The following ABCD3 variants were observed in gnomAD, a reference collection of about 807,000 sequenced individuals.
ABCD3 encodes the protein ATP binding cassette subfamily D member 3, also known as ATP-binding cassette sub-family D member 3.
In ABCD3, 41 loss-of-function variants were observed where a neutral mutation model predicts 105.5. The ratio of observed to expected loss-of-function variants is 0.39; its 90% confidence interval spans 0.30 to 0.50. ABCD3 has a LOEUF of 0.50. Among genes scored for constraint, ABCD3 ranks in the 20% least tolerant of loss-of-function variants. ABCD3 has a pLI of 0.84. For synonymous variants in ABCD3, 258 were observed against 269.0 expected, an observed-to-expected ratio of 0.96 and a Z score of 0.40; for missense variants, 622 against 806.3, an observed-to-expected ratio of 0.77 and a Z score of 2.77.
intron 16 of ABCD3, among the ~76,000 whole-genome samples, chr1:94,493,020 C>T (rs1024388675): frequency 1.3e-5 from 2 of 152,068 alleles, no homozygotes; most frequent in Non-Finnish European, 2.9e-5. Flanking sequence ...CATTACCATT[C>T]AGGACATAGG....
At chr1:94,408,661 A>T in the ABCD3 span, among the ~76,000 whole-genome samples, 1 of 152,160 alleles carries the variant, frequency 6.6e-6, no homozygotes, top group Admixed American at 6.5e-5. Flanking sequence ...GAGACGATAA[A>T]TCATCCATAT....
chr1:94,511,580 A>G (rs1650674528), intron 21 of ABCD3, among the ~76,000 whole-genome samples: 1 of 152,140 alleles, frequency 6.6e-6, no homozygotes, highest in African/African-American at 2.4e-5. Context: ...AATATCCTGC[A>G]GAGTGTTTTC....
chr1:94,462,688 A>G (rs1014567670), intron 2 of ABCD3, among the ~76,000 whole-genome samples: 18 of 152,118 alleles, frequency 1.2e-4, no homozygotes, highest in African/African-American at 4.3e-4. Context: ...TGTTTGTCTT[A>G]GATCATTTCT....
At position 94,512,008 on chromosome 1, in the gene ABCD3, C is replaced by T. The variant is rs955805934; in HGVS notation, c.1846-3138C>T. Among the ~76,000 whole-genome samples, 15 of 152,174 alleles carry T rather than the reference C, an allele frequency of 9.9e-5. No individual in the cohort carries two copies. The South Asian group carries it at 1.2e-3, about 13-fold the overall frequency. ...CTCTCAGCTCGTCAAAGTCATTCTCCGTCCAGCTTTGTTCCGTTGCTGGTG... is the reference window on the plus strand; with the variant it reads ...CTCTCAGCTCGTCAAAGTCATTCTCTGTCCAGCTTTGTTCCGTTGCTGGTG... On this transcript the variant is annotated intron_variant, in intron 21 of 22. Coordinates refer to ENST00000370214, the MANE Select transcript of ABCD3 (RefSeq NM_002858.4).
intron 1 of ABCD3, among the ~76,000 whole-genome samples, chr1:94,431,982 A>G (rs1310605224): frequency 6.6e-6 from 1 of 152,184 alleles, no homozygotes; most frequent in East Asian, 1.9e-4. Context: ...AGGTGATCCC[A>G]TTTCTTAAGT....
the ABCD3 span, among the ~76,000 whole-genome samples, chr1:94,408,386 C>T: frequency 6.6e-6 from 1 of 151,156 alleles, no homozygotes; most frequent in South Asian, 2.1e-4. Flanking sequence ...AGTTTAAGAC[C>T]AGCTTGGCCA....
At chr1:94,386,021 CTGTT>C in the ABCD3 span, among the ~76,000 whole-genome samples, 16 of 128,348 alleles carry the variant, frequency 1.2e-4, no homozygotes, top group African/African-American at 4.5e-4. Flanking sequence ...CTTTTAGAAT[CTGTT>C]TCTTTCTTTC....
intron 7 of ABCD3, among the ~76,000 whole-genome samples, 198 bp downstream of exon 7, chr1:94,475,935 G>T (rs887515856): frequency 2.5e-4 from 38 of 152,202 alleles, no homozygotes; most frequent in African/African-American, 8.9e-4. Context: ...CTTTGGCAAA[G>T]AACTGATAAT....
intron 16 of ABCD3, among the ~76,000 whole-genome samples, chr1:94,497,900 A>G (rs1649897683): frequency 6.6e-6 from 1 of 152,224 alleles, no homozygotes; most frequent in Non-Finnish European, 1.5e-5. Context: ...CTGGAAGAAT[A>G]TCTGTGATAT....
chr1:94,491,382 TC>T, intron 16 of ABCD3, 135 bp downstream of exon 16: 1 of 704,046 alleles, frequency 1.4e-6, no homozygotes, highest in East Asian at 2.8e-5. Context: ...AAAAAGTAAG[TC>T]TTTGAAACGC....
chr1:94,475,271 T>C (rs1179447587), intron 6 of ABCD3, 31 bp downstream of exon 6: 1 of 1,323,616 alleles, frequency 7.6e-7, no homozygotes, highest in African/African-American at 1.5e-5. Flanking sequence ...ATATTAAAAA[T>C]ATTTAAATAG....
At chr1:94,469,638 GT>G (rs1186691845) in intron 4 of ABCD3, among the ~76,000 whole-genome samples, 3 of 113,670 alleles carry the variant, frequency 2.6e-5, no homozygotes, top group Non-Finnish European at 3.7e-5. Flanking sequence ...CGCCCTATAC[GT>G]TTTGTAGTTT....
chr1:94,496,709 T>TG (rs1649821575), intron 16 of ABCD3, among the ~76,000 whole-genome samples: 1 of 136,892 alleles, frequency 7.3e-6, no homozygotes, highest in Non-Finnish European at 1.6e-5. Flanking sequence ...TTTTTTTTTT[T>TG]TTTTTTTTTT....
chr1:94,493,545 G>A (rs1252862839), intron 16 of ABCD3, among the ~76,000 whole-genome samples: 1 of 151,482 alleles, frequency 6.6e-6, no homozygotes, highest in Non-Finnish European at 1.5e-5. Flanking sequence ...GGATTCCTCA[G>A]GGATCTAGAA....
At chr1:94,458,558 A>G (rs746159023) in intron 1 of ABCD3, 49 bp from the exon 2 acceptor site, 12 of 1,526,716 alleles carry the variant, frequency 7.9e-6, no homozygotes, top group African/African-American at 1.4e-5. Context: ...CTTAATGATA[A>G]CACTTTTCAC....
chr1:94,512,351 T>C (rs1650717539), intron 21 of ABCD3, among the ~76,000 whole-genome samples: 1 of 151,990 alleles, frequency 6.6e-6, no homozygotes, highest in African/African-American at 2.4e-5. Context: ...ATACCTCATT[T>C]ATGTAAAACA....
chr1:94,480,380 A>G (rs1470657691), intron 8 of ABCD3, 84 bp from the exon 9 acceptor site: 34 of 1,547,806 alleles, frequency 2.2e-5, no homozygotes, highest in Non-Finnish European at 2.8e-5. Context: ...GAGGTTAATT[A>G]TAAAAATTGT....
intron 1 of ABCD3, among the ~76,000 whole-genome samples, chr1:94,434,520 T>C (rs1036765469): frequency 6.6e-6 from 1 of 151,364 alleles, no homozygotes; most frequent in African/African-American, 2.5e-5. Context: ...ATGTGAGTAA[T>C]GTGTTGTACT....
At position 94,419,362 on chromosome 1, in the gene ABCD3, T is replaced by G. The variant is rs113396682; in HGVS notation, c.110+774T>G. The G allele has an allele frequency of 2.1e-3, 2,074 of 985,076 alleles. 40 individuals carry two copies. In the African/African-American group the frequency reaches 0.035, roughly 16 times the overall value. 61.0% of individuals were successfully genotyped at this position (985,076 alleles called of 1,614,324 possible). A position where few individuals can be genotyped will look rare whatever the true frequency, so the allele number is the denominator to read the frequency against. On this transcript the variant is annotated intron_variant, in intron 1 of 22. Transcript: ENST00000370214. ...TCCTTTTTAATGACACGCCACTGCTTCCACCGCGGGAGAATTTCAGTGCTT... is the reference window on the plus strand; with the variant it reads ...TCCTTTTTAATGACACGCCACTGCTGCCACCGCGGGAGAATTTCAGTGCTT...
Sources: allele counts gnomAD v4.1 joint callset (sites outside exome capture counted in the v4.1 genomes callset), GRCh38; gene constraint gnomAD v4.1.1; transcripts MANE v1.5; gene names NCBI Gene and HGNC (gene_info 2026-07-23, HGNC 2026-07-21).